XKR9: variants seen among roughly 807,000 people sequenced by gnomAD.
XKR9 encodes XK-related protein 9.
XKR9 carries 32 observed loss-of-function variants against 32.0 expected under a neutral mutation model. The ratio of observed to expected loss-of-function variants is 1.00; its 90% CI spans 0.76 to 1.34. The LOEUF (loss-of-function observed/expected upper bound fraction) is 1.34, where lower values mean the gene tolerates loss of function less well. Among genes scored for constraint, XKR9 ranks in the 40% most tolerant of loss-of-function variants. XKR9 has a pLI of 0.00. For missense variants in XKR9, 546 were observed against 429.7 expected (o/e 1.27, Z -2.39); for synonymous variants, 168 against 143.4 (o/e 1.17, Z -1.22).
chr8:70,704,187 GAAAT>G (rs1805639900), intron 3 of XKR9, among the ~76,000 whole-genome samples: 1 of 151,282 alleles, frequency 6.6e-6, no homozygotes, highest in African/African-American at 2.4e-5. Flanking sequence ...ATCTCAAAAA[GAAAT>G]AAAATAAAAT....
the XKR9 span, among the ~76,000 whole-genome samples, chr8:70,849,361 G>A: frequency 6.6e-6 from 1 of 152,184 alleles, no homozygotes; most frequent in Non-Finnish European, 1.5e-5. Flanking sequence ...GCTCCAGAAT[G>A]ACTACTGGGT....
the XKR9 span, among the ~76,000 whole-genome samples, chr8:70,935,132 C>T: frequency 3.1e-4 from 45 of 145,988 alleles, no homozygotes; most frequent in African/African-American, 9.8e-4. Context: ...CACACACACA[C>T]ATATATATAC....
rs894861808 is a variant in XKR9, at chr8:70,772,415, C to A, written n.353-16924C>A. Reference sequence around the variant, plus strand: ...AGATTTGAATTTCCATTTGTGTTGACCCTACAGTGATTTTGAACAGCCCGA... The same window carrying A: ...AGATTTGAATTTCCATTTGTGTTGAACCTACAGTGATTTTGAACAGCCCGA... On this transcript the variant is annotated intron_variant and non_coding_transcript_variant, in intron 2 of 3. Coordinates refer to the XKR9 transcript ENST00000520273. 8.5e-5 allele frequency among the ~76,000 whole-genome samples: 13 copies of A among 152,252 alleles called. 1 individual carries two copies. Among genetic ancestry groups the A allele is most frequent in the African/African-American group, 2.9e-4 (12 of 41,542 alleles).
chr8:70,798,573 A>C, the XKR9 span, among the ~76,000 whole-genome samples: 1 of 152,090 alleles, frequency 6.6e-6, no homozygotes, highest in Non-Finnish European at 1.5e-5. Flanking sequence ...CCATTTGTCA[A>C]CTTTTGTTTT....
At chr8:70,912,395 G>C in the XKR9 span, among the ~76,000 whole-genome samples, 3 of 152,196 alleles carry the variant, frequency 2.0e-5, no homozygotes, top group East Asian at 1.9e-4. Flanking sequence ...AGAATGAAGA[G>C]GAGGGGGCAG....
At position 70,745,122 on chromosome 8, in the gene XKR9, T is replaced by G. The variant is rs1807039917; in HGVS notation, n.352+37969T>G. Reference sequence around the variant, plus strand: ...CACACAAACATAGATTAAGTATTCATTCCATCCAACAAACATTTTCTTATT... The same window carrying G: ...CACACAAACATAGATTAAGTATTCAGTCCATCCAACAAACATTTTCTTATT... On this transcript the variant is annotated intron_variant and non_coding_transcript_variant, in intron 2 of 3. Transcript: ENST00000520273. Among the ~76,000 whole-genome samples the G allele has an allele frequency of 1.4e-5, 2 of 140,044 alleles. 1 individual carries two copies. Among genetic ancestry groups the G allele is most frequent in the Non-Finnish European group, 3.2e-5 (2 of 61,776 alleles). The allele number at this position is 140,044 out of a possible 152,430, so 91.9% of individuals were successfully genotyped here.
the XKR9 span, among the ~76,000 whole-genome samples, chr8:70,973,812 G>T: frequency 6.6e-6 from 1 of 152,116 alleles, no homozygotes; most frequent in Non-Finnish European, 1.5e-5. Context: ...TTATTCCACT[G>T]TCGTTGGAGA....
At chr8:70,976,911 A>T in the XKR9 span, among the ~76,000 whole-genome samples, 1 of 152,152 alleles carries the variant, frequency 6.6e-6, no homozygotes, top group African/African-American at 2.4e-5. Context: ...TTATTGGTCT[A>T]TTCAGGGATT....
chr8:70,903,635 C>T, the XKR9 span, among the ~76,000 whole-genome samples: 10 of 152,298 alleles, frequency 6.6e-5, no homozygotes, highest in South Asian at 2.1e-4. Flanking sequence ...GTCTCTCTCT[C>T]GTTCAATTCT....
chr8:70,676,343 GA>G (rs748364140), intron 2 of XKR9, among the ~76,000 whole-genome samples: 5 of 152,154 alleles, frequency 3.3e-5, no homozygotes, highest in Non-Finnish European at 7.3e-5. Context: ...ATTTGGTAGG[GA>G]CATATATTCA....
intron 2 of XKR9, among the ~76,000 whole-genome samples, chr8:70,776,961 A>ATATATATATATATATATATG (rs796746390): frequency 3.4e-5 from 3 of 88,074 alleles, no homozygotes; most frequent in African/African-American, 8.3e-5. Flanking sequence ...ATATATATAT[A>ATATATATATATATATATATG]TATGTATGTA....
chr8:70,710,676 C>G (rs1474585228), intron 4 of XKR9, among the ~76,000 whole-genome samples: 2 of 151,964 alleles, frequency 1.3e-5, no homozygotes. Flanking sequence ...TGTACTCCAA[C>G]CTGGGTGACA....
intron 2 of XKR9, among the ~76,000 whole-genome samples, chr8:70,680,027 G>A (rs1819021864): frequency 6.6e-6 from 1 of 151,562 alleles, no homozygotes; most frequent in Non-Finnish European, 1.5e-5. Context: ...AAAAAATGTA[G>A]CAGTATAGAG....
the XKR9 span, among the ~76,000 whole-genome samples, chr8:70,959,311 A>T: frequency 6.6e-6 from 1 of 152,208 alleles, no homozygotes; most frequent in African/African-American, 2.4e-5. Flanking sequence ...CATATAGGAT[A>T]TTATACCAGT....
the XKR9 span, among the ~76,000 whole-genome samples, chr8:71,023,589 C>T: frequency 6.6e-6 from 1 of 151,998 alleles, no homozygotes; most frequent in African/African-American, 2.4e-5. Flanking sequence ...TCTTGGGTGT[C>T]CAGGGAGCTT....
chr8:70,879,247 C>T, the XKR9 span, among the ~76,000 whole-genome samples: 3 of 152,012 alleles, frequency 2.0e-5, no homozygotes, highest in South Asian at 6.2e-4. Flanking sequence ...ATTAAAAGAA[C>T]TAGAGAAGCA....
chr8:71,001,271 A>G, the XKR9 span, among the ~76,000 whole-genome samples: 1 of 151,996 alleles, frequency 6.6e-6, no homozygotes, highest in Non-Finnish European at 1.5e-5. Context: ...TTTATTATTT[A>G]TTTATTTAGA....
the XKR9 span, among the ~76,000 whole-genome samples, chr8:70,882,036 T>C: frequency 6.6e-6 from 1 of 151,968 alleles, no homozygotes; most frequent in African/African-American, 2.4e-5. Flanking sequence ...CACCACATGT[T>C]CTCACTCATA....
the XKR9 span, among the ~76,000 whole-genome samples, chr8:71,029,632 G>T: frequency 6.6e-6 from 1 of 151,920 alleles, no homozygotes; most frequent in Admixed American, 6.6e-5. Flanking sequence ...TGAAAATATT[G>T]ATTTTCTAAA....
Sources: gnomAD v4.1 joint callset for allele counts (sites outside exome capture counted in the v4.1 genomes callset) on GRCh38, gnomAD v4.1.1 for gene constraint, MANE v1.5 for transcripts, NCBI Gene and HGNC (gene_info 2026-07-23, HGNC 2026-07-21) for gene names.